MLLT10: variants seen among roughly 807,000 people sequenced by gnomAD.
The protein encoded by MLLT10 is protein AF-10.
MLLT10 carries 30 observed loss-of-function variants against 129.1 expected under a neutral mutation model. That is an observed-to-expected ratio of 0.23 (90% CI 0.17 to 0.32). The LOEUF is 0.32. Among genes scored for constraint, MLLT10 ranks in the 10% least tolerant of loss-of-function variants. The probability of loss-of-function intolerance (pLI) is 1.00; values close to 1 mark genes in which losing one functional copy is unlikely to be tolerated. For missense variants in MLLT10, 1,119 were observed against 1,268.3 expected, an observed-to-expected ratio of 0.88 and a Z score of 1.79; for synonymous variants, 490 against 446.4, an observed-to-expected ratio of 1.10 and a Z score of -1.23.
rs150132196 is a variant in MLLT10 at position 21,701,193 on chromosome 10, G to C, written c.1700-12579G>C. 4.2e-3 allele frequency among the ~76,000 whole-genome samples: 625 copies of C among 147,998 alleles called. 8 individuals carry two copies. Among genetic ancestry groups the C allele is most frequent in the African/African-American group, 0.015 (617 of 40,744 alleles). ...CTCCTTTTTCAATTTTGATTTTGCT[G>C]ATTTGGTTCTTACCTCTTTTTTTTG... On this transcript the variant is annotated intron_variant, in intron 13 of 22. Coordinates refer to ENST00000307729, the MANE Select transcript of MLLT10 (RefSeq NM_001195626.3).
At chr10:21,667,422 G>C (rs796118915) in intron 9 of MLLT10, among the ~76,000 whole-genome samples, 1 of 136,978 alleles carries the variant, frequency 7.3e-6, no homozygotes, top group Non-Finnish European at 1.6e-5. Flanking sequence ...CTTCAGTTTT[G>C]TGGGGATTTT....
chr10:21,537,234 A>C (rs2034199171), intron 2 of MLLT10, among the ~76,000 whole-genome samples: 1 of 152,148 alleles, frequency 6.6e-6, no homozygotes, highest in Non-Finnish European at 1.5e-5. Context: ...AGTTATACTG[A>C]ATTTATATTC....
intron 13 of MLLT10, among the ~76,000 whole-genome samples, chr10:21,697,246 C>G (rs975342038): frequency 4.6e-5 from 7 of 151,998 alleles, no homozygotes; most frequent in African/African-American, 7.3e-5. Flanking sequence ...GCGGGCACAT[C>G]ACCTAAGGTC....
intron 9 of MLLT10, among the ~76,000 whole-genome samples, chr10:21,669,526 C>T (rs1228501491): frequency 6.6e-6 from 1 of 152,054 alleles, no homozygotes; most frequent in African/African-American, 2.4e-5. Context: ...ATTAACTTAT[C>T]CAACAAAAAT....
chr10:21,576,843 C>G (rs1426779947), intron 3 of MLLT10, among the ~76,000 whole-genome samples: 1 of 151,664 alleles, frequency 6.6e-6, no homozygotes, highest in Non-Finnish European at 1.5e-5. Flanking sequence ...GTTGATCAGG[C>G]TGGTTTTGAA....
chr10:21,635,757 A>G (rs1589358151), intron 8 of MLLT10, among the ~76,000 whole-genome samples: 2 of 145,626 alleles, frequency 1.4e-5, no homozygotes, highest in South Asian at 2.2e-4. Flanking sequence ...ATGTAGTTTC[A>G]CTCTTGTCTC....
chr10:21,739,405 C>T (rs1326856888), intron 21 of MLLT10, among the ~76,000 whole-genome samples: 1 of 152,152 alleles, frequency 6.6e-6, no homozygotes, highest in Non-Finnish European at 1.5e-5. Context: ...TGAAAACTGC[C>T]CTGGGTAATC....
At chr10:21,712,665 G>T (rs1369507057) in intron 13 of MLLT10, among the ~76,000 whole-genome samples, 1 of 152,072 alleles carries the variant, frequency 6.6e-6, no homozygotes, top group Non-Finnish European at 1.5e-5. Flanking sequence ...AACACTATGG[G>T]CCAGTTATTT....
chr10:21,682,319 A>G, intron 13 of MLLT10, 62 bp downstream of exon 13: 1 of 1,445,922 alleles, frequency 6.9e-7, no homozygotes, highest in Non-Finnish European at 9.6e-7. Flanking sequence ...TTTTGTAGAG[A>G]ATCTCGATTG....
At chr10:21,733,416 A>G (rs1460610354) in intron 18 of MLLT10, 88 bp from the exon 19 acceptor site, 1 of 836,292 alleles carries the variant, frequency 1.2e-6, no homozygotes, top group Non-Finnish European at 1.7e-6. Context: ...TACGGGCTTC[A>G]GCATAAGCTT....
chr10:21,583,269 T>A (rs1195902541), intron 3 of MLLT10, among the ~76,000 whole-genome samples: 1 of 152,168 alleles, frequency 6.6e-6, no homozygotes, highest in Non-Finnish European at 1.5e-5. Context: ...ACTGTTACAT[T>A]TTTATAATTT....
chr10:21,734,253 T>G, intron 20 of MLLT10, 124 bp downstream of exon 20: 1 of 1,083,252 alleles, frequency 9.2e-7, no homozygotes, highest in Non-Finnish European at 1.3e-6. Flanking sequence ...GCCAAAAATT[T>G]TAAGTATATT....
chr10:21,607,781 A>C (rs1214906283), intron 5 of MLLT10, among the ~76,000 whole-genome samples: 2 of 152,182 alleles, frequency 1.3e-5, no homozygotes, highest in East Asian at 3.8e-4. Context: ...ACCTAATCAC[A>C]CTGTCTTACT....
At chr10:21,602,421 A>G (rs763157245) in intron 5 of MLLT10, among the ~76,000 whole-genome samples, 4 of 152,152 alleles carry the variant, frequency 2.6e-5, no homozygotes, top group African/African-American at 4.8e-5. Flanking sequence ...TTCTCAGATA[A>G]CACACCATGT....
chr10:21,633,905 T>G (rs1028946862), intron 8 of MLLT10, among the ~76,000 whole-genome samples: 1 of 152,170 alleles, frequency 6.6e-6, no homozygotes, highest in African/African-American at 2.4e-5. Context: ...ATAGCCAGTT[T>G]AAGAAGAAAT....
chr10:21,729,108 A>T (rs1047109702), intron 16 of MLLT10, among the ~76,000 whole-genome samples: 1 of 152,104 alleles, frequency 6.6e-6, no homozygotes, highest in Non-Finnish European at 1.5e-5. Flanking sequence ...AGAAAATCAA[A>T]TATCCATTCT....
At chr10:21,552,567 T>G (rs1281527132) in intron 3 of MLLT10, among the ~76,000 whole-genome samples, 1 of 151,534 alleles carries the variant, frequency 6.6e-6, no homozygotes, top group African/African-American at 2.4e-5. Context: ...AGTTTTTGTA[T>G]TTTTAATAGA....
intron 8 of MLLT10, chr10:21,626,230 A>G (rs1384604290): frequency 2.5e-6 from 4 of 1,587,482 alleles, no homozygotes; most frequent in African/African-American, 1.3e-5. Flanking sequence ...CTTCTTTATT[A>G]AATTCCCTGA....
chr10:21,627,107 A>C (rs1420182438), intron 8 of MLLT10, among the ~76,000 whole-genome samples: 1 of 152,176 alleles, frequency 6.6e-6, no homozygotes, highest in Non-Finnish European at 1.5e-5. Context: ...TACTACAAAT[A>C]ATAATGCTGT....
Sources: allele counts gnomAD v4.1 joint callset (sites outside exome capture counted in the v4.1 genomes callset), GRCh38; gene constraint gnomAD v4.1.1; transcripts MANE v1.5; gene names NCBI Gene and HGNC (gene_info 2026-07-23, HGNC 2026-07-21).